Variants in CRYBG3 observed in about 807,000 individuals in gnomAD.
CRYBG3 encodes the protein very large A-kinase anchor protein.
Under a neutral mutation model 244.2 loss-of-function variants are expected in CRYBG3, and 127 were observed. That is an observed-to-expected ratio of 0.52 (90% CI 0.45 to 0.60). The LOEUF is 0.60. Ranked by LOEUF, CRYBG3 falls within the 20% of genes least tolerant of loss-of-function variation. The pLI, the probability that CRYBG3 is intolerant of heterozygous loss-of-function variation, is 0.00. For synonymous variants in CRYBG3, 1,132 were observed against 1,195.8 expected, an observed-to-expected ratio of 0.95 and a Z score of 1.10; for missense variants, 3,325 against 3,442.5, an observed-to-expected ratio of 0.97 and a Z score of 0.85.
At chr3:97,825,371 A>T (rs1462277244) in intron 1 of CRYBG3, among the ~76,000 whole-genome samples, 1 of 152,188 alleles carries the variant, frequency 6.6e-6, no homozygotes, top group Non-Finnish European at 1.5e-5. Flanking sequence ...CAATGTTTGT[A>T]ACTGTGAAGA....
At position 97,899,276 on chromosome 3, in the gene CRYBG3, T is replaced by G. The variant is rs1268990643; in HGVS notation, c.7971+13T>G. On this transcript the variant is annotated intron_variant, in intron 14 of 21. Coordinates refer to ENST00000389622, the MANE Select transcript of CRYBG3 (RefSeq NM_153605.4). ...GCCAATCCAACTGGTGAGTGAAGTA[T>G]GAACATAGCCAGTGCTGCATCATGT... The G allele has an allele frequency of 2.5e-6, 4 of 1,609,314 alleles. No homozygotes were observed. Among genetic ancestry groups the G allele is most frequent in the Non-Finnish European group, 2.5e-6 (3 of 1,178,556 alleles).
chr3:97,939,075 A>G (rs922776208), intron 19 of CRYBG3, among the ~76,000 whole-genome samples: 26 of 151,992 alleles, frequency 1.7e-4, no homozygotes, highest in Admixed American at 6.6e-5. Flanking sequence ...AACAATGAAA[A>G]TATGTTCCTC....
chr3:97,843,566 T>C (rs547040008), intron 2 of CRYBG3, among the ~76,000 whole-genome samples: 1 of 152,304 alleles, frequency 6.6e-6, no homozygotes, highest in Non-Finnish European at 1.5e-5. Context: ...GTAAGTCAGA[T>C]CACATGACCT....
intron 1 of CRYBG3, among the ~76,000 whole-genome samples, chr3:97,833,770 G>A (rs1247853810): frequency 1.3e-5 from 2 of 152,108 alleles, no homozygotes; most frequent in Admixed American, 6.6e-5. Context: ...CGCTGTCATA[G>A]TCTGTGTTCT....
intron 19 of CRYBG3, among the ~76,000 whole-genome samples, chr3:97,938,450 C>CTTA: frequency 6.6e-6 from 1 of 152,170 alleles, no homozygotes; most frequent in East Asian, 1.9e-4. Context: ...TGACCTGACA[C>CTTA]TTATTTAACC....
In CRYBG3 at chr3:97,898,903, C is replaced by T; in HGVS notation, c.7722C>T (p.Val2574=). ...TTTAGAATTTTATAGAATCTTCTGT[C>T]ACACTATTTGAATCTGACCTAGAAA... ...YLQANFIESS[V]TLFESDLESG... Residue 2574 remains valine (V), a synonymous_variant, in exon 13 of 22, where the codon GTC becomes GTT. Coordinates refer to ENST00000389622, the MANE Select transcript of CRYBG3 (RefSeq NM_153605.4). 1 of 1,594,002 alleles carries T rather than the reference C, an allele frequency of 6.3e-7. No individual in the cohort carries two copies. Among genetic ancestry groups the T allele is most frequent in the Non-Finnish European group, 8.5e-7 (1 of 1,170,550 alleles).
At chr3:97,927,141 G>A (rs1217646987) in intron 17 of CRYBG3, among the ~76,000 whole-genome samples, 1 of 152,032 alleles carries the variant, frequency 6.6e-6, no homozygotes, top group East Asian at 1.9e-4. Context: ...AAAGCTGGAG[G>A]CATCATGCCA....
intron 7 of CRYBG3, among the ~76,000 whole-genome samples, chr3:97,882,011 C>T (rs1214590171): frequency 6.6e-6 from 1 of 151,872 alleles, no homozygotes; most frequent in Non-Finnish European, 1.5e-5. Context: ...GAGTTCAAGA[C>T]CAGACTGGCC....
At chr3:97,841,528 T>G (rs1318431787) in intron 1 of CRYBG3, among the ~76,000 whole-genome samples, 1 of 152,098 alleles carries the variant, frequency 6.6e-6, no homozygotes, top group Non-Finnish European at 1.5e-5. Context: ...ATTTGTTTCT[T>G]GGATACTGTG....
At chr3:97,921,146 T>C (rs985694417) in intron 17 of CRYBG3, among the ~76,000 whole-genome samples, 1 of 149,866 alleles carries the variant, frequency 6.7e-6, no homozygotes, top group Non-Finnish European at 1.5e-5. Flanking sequence ...TGTGGAAACA[T>C]AGAATGAAGT....
chr3:97,852,087 T>G (rs547134846), intron 2 of CRYBG3, among the ~76,000 whole-genome samples: 2 of 152,160 alleles, frequency 1.3e-5, no homozygotes, highest in African/African-American at 4.8e-5. Flanking sequence ...TGGAGATAGA[T>G]GTCTGGTTGG....
At chr3:97,926,966 A>C (rs2040047704) in intron 17 of CRYBG3, among the ~76,000 whole-genome samples, 1 of 152,082 alleles carries the variant, frequency 6.6e-6, no homozygotes, top group South Asian at 2.1e-4. Context: ...AGGAAAAATC[A>C]ATGTCATTAA....
chr3:97,843,852 A>G (rs1483256308), intron 2 of CRYBG3, among the ~76,000 whole-genome samples: 1 of 152,144 alleles, frequency 6.6e-6, no homozygotes, highest in Non-Finnish European at 1.5e-5. Context: ...TTTATTCATA[A>G]GCGGTTTTCT....
At chr3:97,830,863 T>C (rs1434841461) in intron 1 of CRYBG3, among the ~76,000 whole-genome samples, 3 of 152,154 alleles carry the variant, frequency 2.0e-5, no homozygotes, top group Non-Finnish European at 1.5e-5. Flanking sequence ...ATCTTAACGA[T>C]TTAGAATGGA....
intron 15 of CRYBG3, among the ~76,000 whole-genome samples, chr3:97,909,094 G>A (rs1158321880): frequency 6.6e-6 from 1 of 152,198 alleles, no homozygotes; most frequent in African/African-American, 2.4e-5. Context: ...CCTCTGGCTT[G>A]TAGGGTTTCT....
chr3:97,875,235 T>G lies in CRYBG3; in HGVS notation c.4041T>G (p.Asp1347Glu), dbSNP rs762247855. Reference sequence around the variant, plus strand: ...ATACTTCAAAAATTCTGAACAGTGATAGTGTTAAGCCACATGATGTAGTTA... The same window carrying G: ...ATACTTCAAAAATTCTGAACAGTGAGAGTGTTAAGCCACATGATGTAGTTA... ...QANTSKILNSDSVKPHDVVRE... is the reference protein window; with the variant it reads ...QANTSKILNSESVKPHDVVRE... Residue 1347 changes from aspartate to glutamate, a missense_variant, in exon 4 of 22, where the codon GAT becomes GAG. Around this residue, in one of 4 missense-constraint regions of CRYBG3, gnomAD observed 635 missense variants for 771.7 expected, o/e 0.82. Coordinates refer to ENST00000389622, the MANE Select transcript of CRYBG3 (RefSeq NM_153605.4). 2 of 1,528,422 alleles carry G rather than the reference T, an allele frequency of 1.3e-6. No individual in the cohort carries two copies. The highest frequency in any genetic ancestry group is 2.0e-5 in the Admixed American group (1 of 49,732). 94.7% of individuals were successfully genotyped at this position (1,528,422 alleles called of 1,614,324 possible). A position where few individuals can be genotyped will look rare whatever the true frequency, so the allele number is the denominator to read the frequency against.
chr3:97,906,239 G>A (rs1294895299), intron 15 of CRYBG3, among the ~76,000 whole-genome samples: 2 of 130,782 alleles, frequency 1.5e-5, no homozygotes, highest in African/African-American at 5.2e-5. Context: ...CTCTTTTTTG[G>A]TTCCATATGA....
intron 17 of CRYBG3, among the ~76,000 whole-genome samples, chr3:97,931,038 C>G (rs1052543370): frequency 2.0e-5 from 3 of 152,032 alleles, no homozygotes; most frequent in African/African-American, 7.2e-5. Flanking sequence ...TATTCAGCTT[C>G]TCTCTATTCC....
At chr3:97,923,651 A>G (rs2040008904) in intron 17 of CRYBG3, among the ~76,000 whole-genome samples, 1 of 152,116 alleles carries the variant, frequency 6.6e-6, no homozygotes, top group Non-Finnish European at 1.5e-5. Context: ...CTATGGTGTA[A>G]ATGATAAATT....
Sources: allele counts gnomAD v4.1 joint callset (sites outside exome capture counted in the v4.1 genomes callset), GRCh38; gene constraint gnomAD v4.1.1; regional missense constraint gnomAD v4.1.1; transcripts MANE v1.5; gene names NCBI Gene and HGNC (gene_info 2026-07-23, HGNC 2026-07-21).